The following GALNT13 variants were observed in gnomAD, a reference collection of about 807,000 sequenced individuals.
GALNT13 encodes the protein polypeptide N-acetylgalactosaminyltransferase 13, also known as UDP-GalNAc:polypeptide N-acetylgalactosaminyltransferase 13.
GALNT13 carries 28 observed loss-of-function variants against 64.2 expected under a neutral mutation model. The ratio of observed to expected loss-of-function variants is 0.44; its 90% CI spans 0.32 to 0.60. The LOEUF is 0.60. GALNT13 is among the 20% of genes least tolerant of loss of function. The probability of loss-of-function intolerance (pLI) is 0.05; values close to 1 mark genes in which losing one functional copy is unlikely to be tolerated. For missense variants in GALNT13, 577 were observed against 669.8 expected (o/e 0.86, Z 1.53); for synonymous variants, 214 against 224.6 (o/e 0.95, Z 0.42).
the GALNT13 span, among the ~76,000 whole-genome samples, chr2:153,588,335 G>C: frequency 6.6e-6 from 1 of 152,194 alleles, no homozygotes; most frequent in Non-Finnish European, 1.5e-5. Context: ...CCCTAGCAGA[G>C]GTTCTCCATG....
At chr2:154,317,469 C>G (rs963989634) in intron 9 of GALNT13, among the ~76,000 whole-genome samples, 3 of 152,042 alleles carry the variant, frequency 2.0e-5, no homozygotes, top group Non-Finnish European at 4.4e-5. Flanking sequence ...GAATAAGAAG[C>G]TGGATTTGAT....
At chr2:153,140,404 A>G in the GALNT13 span, among the ~76,000 whole-genome samples, 1 of 152,062 alleles carries the variant, frequency 6.6e-6, no homozygotes, top group Non-Finnish European at 1.5e-5. Context: ...TTGTCTTTAT[A>G]GAGAAAATGT....
At chr2:154,325,529 AC>A (rs1463638491) in intron 9 of GALNT13, among the ~76,000 whole-genome samples, 2 of 152,072 alleles carry the variant, frequency 1.3e-5, no homozygotes, top group Non-Finnish European at 2.9e-5. Flanking sequence ...TTGTACTTGT[AC>A]TTTTTACTTA....
chr2:154,410,384 T>C (rs1699739227), intron 11 of GALNT13, among the ~76,000 whole-genome samples: 1 of 151,954 alleles, frequency 6.6e-6, no homozygotes, highest in African/African-American at 2.4e-5. Flanking sequence ...AACCAAAAAC[T>C]TTATGTCTTT....
At chr2:153,165,078 A>G in the GALNT13 span, among the ~76,000 whole-genome samples, 1 of 152,166 alleles carries the variant, frequency 6.6e-6, no homozygotes, top group Admixed American at 6.5e-5. Flanking sequence ...GCCTTTTGTA[A>G]TTCCTTTTCT....
chr2:153,534,773 G>T, the GALNT13 span, among the ~76,000 whole-genome samples: 1 of 151,892 alleles, frequency 6.6e-6, no homozygotes, highest in Non-Finnish European at 1.5e-5. Flanking sequence ...AGGTAATGTC[G>T]TTACTTAAGG....
At chr2:153,553,117 TAAAC>T in the GALNT13 span, among the ~76,000 whole-genome samples, 1 of 152,062 alleles carries the variant, frequency 6.6e-6, no homozygotes, top group Non-Finnish European at 1.5e-5. Context: ...ACTAGAAAAA[TAAAC>T]AGTGGTCACT....
chr2:153,674,107 G>A, the GALNT13 span, among the ~76,000 whole-genome samples: 2 of 152,162 alleles, frequency 1.3e-5, no homozygotes, highest in African/African-American at 4.8e-5. Context: ...AGTCATTATT[G>A]TGAAAATGGC....
chr2:154,247,689 C>T (rs1328146857), intron 7 of GALNT13, among the ~76,000 whole-genome samples: 1 of 152,024 alleles, frequency 6.6e-6, no homozygotes, highest in African/African-American at 2.4e-5. Context: ...CATCTAACTT[C>T]CTATATTTTA....
At chr2:153,443,391 A>T in the GALNT13 span, among the ~76,000 whole-genome samples, 2 of 152,188 alleles carry the variant, frequency 1.3e-5, no homozygotes, top group African/African-American at 4.8e-5. Flanking sequence ...GTGTCTAGCC[A>T]GTCCTAATGA....
At chr2:154,326,099 C>T (rs1318466513) in intron 9 of GALNT13, among the ~76,000 whole-genome samples, 2 of 152,112 alleles carry the variant, frequency 1.3e-5, no homozygotes, top group Admixed American at 1.3e-4. Context: ...CCCACAGCAT[C>T]AGAATCTGCA....
At chr2:154,258,226 T>C (rs1393372068) in intron 7 of GALNT13, among the ~76,000 whole-genome samples, 1 of 152,178 alleles carries the variant, frequency 6.6e-6, no homozygotes, top group Admixed American at 6.5e-5. Context: ...CTTTAATTTG[T>C]CTTTTAAATT....
intron 9 of GALNT13, among the ~76,000 whole-genome samples, chr2:154,314,119 ATATTATTCAAG>A (rs1184982382): frequency 6.6e-6 from 1 of 152,166 alleles, no homozygotes; most frequent in African/African-American, 2.4e-5. Flanking sequence ...TCTGAATTAA[ATATTATTCAAG>A]TACATACGGA....
the GALNT13 span, among the ~76,000 whole-genome samples, chr2:153,442,306 C>A: frequency 6.6e-6 from 1 of 152,178 alleles, no homozygotes; most frequent in Non-Finnish European, 1.5e-5. Context: ...CCGACTTGAT[C>A]ATGGTGGATA....
intron 3 of GALNT13, among the ~76,000 whole-genome samples, chr2:154,015,564 A>G (rs1574333874): frequency 6.6e-6 from 1 of 152,218 alleles, no homozygotes; most frequent in Non-Finnish European, 1.5e-5. Flanking sequence ...TCAGTGGACA[A>G]CTTTTCCCAT....
intron 3 of GALNT13, among the ~76,000 whole-genome samples, chr2:153,984,345 A>G (rs912289938): frequency 6.6e-6 from 1 of 151,768 alleles, no homozygotes; most frequent in Non-Finnish European, 1.5e-5. Flanking sequence ...TTGAAAGTGT[A>G]TTTAGGGGCT....
At chr2:154,075,463 A>G (rs2105399911) in intron 3 of GALNT13, among the ~76,000 whole-genome samples, 1 of 151,982 alleles carries the variant, frequency 6.6e-6, no homozygotes, top group African/African-American at 2.4e-5. Flanking sequence ...AAGTATCATT[A>G]AATATTCCTC....
the GALNT13 span, among the ~76,000 whole-genome samples, chr2:153,563,745 A>G: frequency 6.6e-6 from 1 of 151,358 alleles, no homozygotes; most frequent in African/African-American, 2.4e-5. Context: ...CCATTTATTC[A>G]TAGAAGTTTT....
At chr2:154,149,514 G>T (rs1683844759) in intron 4 of GALNT13, among the ~76,000 whole-genome samples, 1 of 152,064 alleles carries the variant, frequency 6.6e-6, no homozygotes, top group Non-Finnish European at 1.5e-5. Flanking sequence ...AAATTACCTT[G>T]GGCAGTATGG....
Sources: allele counts gnomAD v4.1 joint callset (sites outside exome capture counted in the v4.1 genomes callset), GRCh38; gene constraint gnomAD v4.1.1; transcripts MANE v1.5; gene names NCBI Gene and HGNC (gene_info 2026-07-23, HGNC 2026-07-21).